The following PPP1R9A variants were observed in gnomAD, a reference collection of about 807,000 sequenced individuals.
PPP1R9A encodes the protein neurabin-1.
A neutral mutation model predicts 141.9 loss-of-function variants in PPP1R9A; 59 were observed. The observed-to-expected ratio is 0.42, with a 90% CI of 0.34 to 0.52. The LOEUF (loss-of-function observed/expected upper bound fraction) is 0.52, where lower values mean the gene tolerates loss of function less well. Ranked by LOEUF, PPP1R9A falls within the 20% of genes least tolerant of loss-of-function variation. The pLI is 0.10. For missense variants in PPP1R9A, 1,444 were observed against 1,611.9 expected, an observed-to-expected ratio of 0.90 and a Z score of 1.78; for synonymous variants, 500 against 569.7, an observed-to-expected ratio of 0.88 and a Z score of 1.74.
At chr7:94,927,573 A>G (rs532844012) in intron 2 of PPP1R9A, among the ~76,000 whole-genome samples, 1 of 152,208 alleles carries the variant, frequency 6.6e-6, no homozygotes, top group Non-Finnish European at 1.5e-5. Flanking sequence ...TTAGAGAAGC[A>G]TTGTCTTCTG....
intron 2 of PPP1R9A, among the ~76,000 whole-genome samples, chr7:94,963,081 A>C (rs1797814651): frequency 6.6e-6 from 1 of 152,166 alleles, no homozygotes; most frequent in Non-Finnish European, 1.5e-5. Flanking sequence ...TTGGGGAATC[A>C]GGCATTTGGG....
At chr7:95,286,367 G>A (rs1251503893) in intron 18 of PPP1R9A, 42 bp downstream of exon 18, 6 of 1,606,012 alleles carry the variant, frequency 3.7e-6, no homozygotes, top group Non-Finnish European at 5.1e-6. Context: ...TGTCAAATCT[G>A]ACGTTTTACC....
At chr7:95,218,179 A>T (rs1398374053) in intron 7 of PPP1R9A, among the ~76,000 whole-genome samples, 1 of 152,110 alleles carries the variant, frequency 6.6e-6, no homozygotes, top group Non-Finnish European at 1.5e-5. Context: ...CTTTGTTCTC[A>T]TTGGTTTCAA....
intron 2 of PPP1R9A, among the ~76,000 whole-genome samples, chr7:95,025,101 G>A (rs187636591): frequency 1.3e-5 from 2 of 151,500 alleles, no homozygotes; most frequent in African/African-American, 4.8e-5. Flanking sequence ...ATGGAGTCTC[G>A]CTGTCACCTG....
intron 9 of PPP1R9A, among the ~76,000 whole-genome samples, chr7:95,248,786 A>C (rs1798488367): frequency 6.6e-6 from 1 of 152,062 alleles, no homozygotes; most frequent in African/African-American, 2.4e-5. Flanking sequence ...ATGATTCTTT[A>C]TTATTCATTT....
chr7:95,060,235 A>G (rs1812045383), intron 2 of PPP1R9A, among the ~76,000 whole-genome samples: 1 of 152,140 alleles, frequency 6.6e-6, no homozygotes. Flanking sequence ...TTCTTGCCAC[A>G]CAGTTTTGAG....
At chr7:95,276,787 A>G (rs1803287944) in intron 16 of PPP1R9A, among the ~76,000 whole-genome samples, 1 of 152,212 alleles carries the variant, frequency 6.6e-6, no homozygotes, top group African/African-American at 2.4e-5. Context: ...GAAGAAGGAC[A>G]CTTTTCTCTT....
intron 4 of PPP1R9A, among the ~76,000 whole-genome samples, chr7:95,134,879 A>G (rs1207458568): frequency 6.6e-6 from 1 of 152,208 alleles, no homozygotes; most frequent in Non-Finnish European, 1.5e-5. Flanking sequence ...GCAATTTTCA[A>G]TAATCTCTAG....
At chr7:95,067,178 T>C (rs1486260130) in intron 2 of PPP1R9A, among the ~76,000 whole-genome samples, 1 of 152,230 alleles carries the variant, frequency 6.6e-6, no homozygotes, top group African/African-American at 2.4e-5. Flanking sequence ...CTCAGAAAGC[T>C]ACTGGAGTTG....
chr7:95,089,616 C>T (rs1445948343), intron 2 of PPP1R9A, among the ~76,000 whole-genome samples: 1 of 152,014 alleles, frequency 6.6e-6, no homozygotes, highest in African/African-American at 2.4e-5. Flanking sequence ...TAATCCACCA[C>T]AGGGAGCGGA....
At chr7:95,209,139 T>C (rs755206842) in intron 7 of PPP1R9A, among the ~76,000 whole-genome samples, 2 of 152,146 alleles carry the variant, frequency 1.3e-5, no homozygotes, top group African/African-American at 2.4e-5. Context: ...TTCATTATGT[T>C]TTAAATTTAT....
intron 2 of PPP1R9A, among the ~76,000 whole-genome samples, chr7:94,966,173 A>C (rs1244879085): frequency 6.6e-6 from 1 of 152,092 alleles, no homozygotes; most frequent in East Asian, 1.9e-4. Context: ...TGATTTTTTT[A>C]TCCTGAGATT....
At chr7:95,115,916 CAA>C (rs746135056) in intron 3 of PPP1R9A, among the ~76,000 whole-genome samples, 19 of 60,200 alleles carry the variant, frequency 3.2e-4, no homozygotes, top group Admixed American at 3.8e-4. Context: ...GACTCTGTCT[CAA>C]AAAAAAAAAA....
chr7:95,254,264 G>A (rs1013422583), intron 12 of PPP1R9A, among the ~76,000 whole-genome samples: 1 of 152,176 alleles, frequency 6.6e-6, no homozygotes, highest in African/African-American at 2.4e-5. Flanking sequence ...TGTGAGGACA[G>A]TCAGTGATAA....
chr7:95,219,556 C>T (rs997777097), intron 7 of PPP1R9A, among the ~76,000 whole-genome samples: 2 of 152,038 alleles, frequency 1.3e-5, no homozygotes, highest in Admixed American at 1.3e-4. Context: ...TAATATCCTA[C>T]AGAGTGTTTT....
chr7:95,220,878 A>T (rs763949021), intron 7 of PPP1R9A, among the ~76,000 whole-genome samples: 1 of 152,084 alleles, frequency 6.6e-6, no homozygotes, highest in Non-Finnish European at 1.5e-5. Flanking sequence ...TCCTTGGGGC[A>T]GGTTGGGGCC....
At chr7:95,020,678 CTCCCACTTATGAGTGAGA>C (rs1805819352) in intron 2 of PPP1R9A, among the ~76,000 whole-genome samples, 1 of 152,132 alleles carries the variant, frequency 6.6e-6, no homozygotes, top group Admixed American at 6.6e-5. Context: ...CATTGTTCAG[CTCCCACTTATGAGTGAGA>C]ACATGTAGTG....
intron 2 of PPP1R9A, among the ~76,000 whole-genome samples, chr7:94,912,463 T>C (rs1162981686): frequency 6.6e-6 from 1 of 152,146 alleles, no homozygotes; most frequent in Admixed American, 6.5e-5. Flanking sequence ...GGTGGCAGAA[T>C]GTGTAGTTTT....
intron 2 of PPP1R9A, among the ~76,000 whole-genome samples, chr7:94,951,603 C>T (rs1191959902): frequency 6.6e-6 from 1 of 151,820 alleles, no homozygotes; most frequent in African/African-American, 2.4e-5. Context: ...TATTCACTGG[C>T]TGATCATATT....
Sources: allele counts gnomAD v4.1 joint callset (sites outside exome capture counted in the v4.1 genomes callset), GRCh38; gene constraint gnomAD v4.1.1; transcripts MANE v1.5; gene names NCBI Gene and HGNC (gene_info 2026-07-23, HGNC 2026-07-21).